Variants in LSAMP observed in about 807,000 individuals in gnomAD.
LSAMP encodes limbic system associated membrane protein.
LSAMP carries 7 observed loss-of-function variants against 38.6 expected under a neutral mutation model. The ratio of observed to expected loss-of-function variants is 0.18; its 90% CI spans 0.10 to 0.34. LSAMP has a LOEUF of 0.34. Among genes scored for constraint, LSAMP ranks in the 10% least tolerant of loss-of-function variants. The probability of loss-of-function intolerance (pLI) is 1.00; values close to 1 mark genes in which losing one functional copy is unlikely to be tolerated. For missense variants in LSAMP, 313 were observed against 420.0 expected (o/e 0.75, Z 2.23); for synonymous variants, 154 against 166.8 (o/e 0.92, Z 0.59).
At chr3:116,018,294 T>C (rs1227010087) in intron 3 of LSAMP, among the ~76,000 whole-genome samples, 2 of 152,122 alleles carry the variant, frequency 1.3e-5, no homozygotes, top group Admixed American at 6.6e-5. Context: ...GAAATTAATT[T>C]AGGATCTAAC....
intron 2 of LSAMP, among the ~76,000 whole-genome samples, chr3:116,028,934 T>C (rs1940855574): frequency 6.6e-6 from 1 of 152,172 alleles, no homozygotes; most frequent in South Asian, 2.1e-4. Context: ...ATTTAATAGA[T>C]GTCTAGACAC....
chr3:115,977,812 A>T (rs1273525209), intron 3 of LSAMP, among the ~76,000 whole-genome samples: 1 of 152,088 alleles, frequency 6.6e-6, no homozygotes, highest in African/African-American at 2.4e-5. Context: ...TAGTCGACTA[A>T]AGCAAGTTCC....
intron 1 of LSAMP, among the ~76,000 whole-genome samples, chr3:116,406,867 A>C (rs916809059): frequency 2.6e-5 from 4 of 152,000 alleles, no homozygotes; most frequent in African/African-American, 9.7e-5. Flanking sequence ...TATAAAGAAA[A>C]GGAAGAGGAG....
At position 116,219,034 on chromosome 3, in the gene LSAMP, T is replaced by G. The variant is rs182856796; in HGVS notation, c.156-132478A>C. Among the ~76,000 whole-genome samples the G allele has an allele frequency of 3.3e-5, 5 of 152,348 alleles. No homozygotes were observed. In the East Asian group the frequency reaches 7.7e-4, roughly 24 times the overall value. On this transcript the variant is annotated intron_variant, in intron 1 of 6. Transcript: ENST00000490035. The stretch of plus-strand genomic sequence containing the variant: ...ATTGCTTACTATAAGTACCATATCA[T>G]ATAGTACAATACAGATCTCTAAAGC...
intron 1 of LSAMP, among the ~76,000 whole-genome samples, chr3:116,333,940 A>T (rs1374755494): frequency 6.6e-6 from 1 of 151,942 alleles, no homozygotes; most frequent in Non-Finnish European, 1.5e-5. Flanking sequence ...AATATAAAAA[A>T]TAATAAAGCA....
At chr3:115,953,283 T>G (rs1453936653) in intron 3 of LSAMP, among the ~76,000 whole-genome samples, 1 of 152,182 alleles carries the variant, frequency 6.6e-6, no homozygotes, top group African/African-American at 2.4e-5. Flanking sequence ...ATTCTCATTT[T>G]GAGCCATTTT....
chr3:116,228,638 T>A (rs1190114163), intron 1 of LSAMP, among the ~76,000 whole-genome samples: 1 of 152,124 alleles, frequency 6.6e-6, no homozygotes, highest in Non-Finnish European at 1.5e-5. Context: ...ATTGCTGTGT[T>A]GTTATTGTGG....
At chr3:116,134,593 T>A (rs1379350288) in intron 1 of LSAMP, among the ~76,000 whole-genome samples, 1 of 152,208 alleles carries the variant, frequency 6.6e-6, no homozygotes, top group Non-Finnish European at 1.5e-5. Context: ...ACTTTGCTCT[T>A]GCAGTTCCCT....
rs560027764 is a variant in LSAMP at position 116,264,494 on chromosome 3, C to T, written c.156-177938G>A. 5.5e-4 allele frequency among the ~76,000 whole-genome samples: 83 copies of T among 152,218 alleles called. No individual in the cohort carries two copies. The South Asian group carries it at 0.015, about 27-fold the overall frequency. On this transcript the variant is annotated intron_variant, in intron 1 of 6. Coordinates refer to ENST00000490035, the MANE Select transcript of LSAMP (RefSeq NM_002338.5). ...CCAGACTCTCTGAGAGGCTCATGGG[C>T]GCTTAAGGGGCATTGTGTAGTGTTT... is the stretch of plus-strand genomic sequence containing the variant.
chr3:116,282,969 C>T (rs2047146238), intron 1 of LSAMP, among the ~76,000 whole-genome samples: 1 of 152,066 alleles, frequency 6.6e-6, no homozygotes, highest in Non-Finnish European at 1.5e-5. Context: ...TGCTCTTGCC[C>T]ACCCATGACC....
intron 1 of LSAMP, among the ~76,000 whole-genome samples, chr3:116,367,697 C>T (rs962175268): frequency 1.3e-5 from 2 of 151,552 alleles, no homozygotes; most frequent in African/African-American, 2.4e-5. Flanking sequence ...TTAGTAGGCC[C>T]GGGGTTTCAC....
At chr3:116,348,141 A>C (rs1304206738) in intron 1 of LSAMP, among the ~76,000 whole-genome samples, 1 of 152,088 alleles carries the variant, frequency 6.6e-6, no homozygotes, top group African/African-American at 2.4e-5. Flanking sequence ...CTAAGGATAG[A>C]AATTATTCAC....
At chr3:115,858,372 A>G (rs1341184142) in intron 3 of LSAMP, among the ~76,000 whole-genome samples, 1 of 152,220 alleles carries the variant, frequency 6.6e-6, no homozygotes, top group Non-Finnish European at 1.5e-5. Flanking sequence ...AATAATCATT[A>G]TAGTACCTGT....
rs2107435127 is a variant in LSAMP at position 115,804,578 on chromosome 3, C to T, written c.*5739G>A. ...GCACATGAGCCCTTAAAACTCCTTC[C>T]TGTTTTTTTTCTTTTTTTTTCTCTT... On this transcript the variant is annotated 3_prime_UTR_variant, in exon 7 of 7. Coordinates refer to ENST00000490035, the MANE Select transcript of LSAMP (RefSeq NM_002338.5). 6.6e-6 allele frequency: 1 copy of T among 152,222 alleles called. No individual in the cohort carries two copies. The highest frequency in any genetic ancestry group is 3.4e-3 in the Middle Eastern group (1 of 294). The allele number at this position is 152,222 out of a possible 1,614,324, so 9.4% of individuals were successfully genotyped here.
chr3:116,197,587 C>T lies in LSAMP; in HGVS notation c.156-111031G>A, dbSNP rs565617933. Among the ~76,000 whole-genome samples the T allele has an allele frequency of 2.6e-5, 4 of 152,266 alleles. No homozygotes were observed. The East Asian group carries it at 7.7e-4, about 29-fold the overall frequency. The stretch of plus-strand genomic sequence containing the variant: ...TTCTAGGCAGGGCAGCAGATTTCTT[C>T]TCAGTCATTTTGAATTGCTCTATTT... On this transcript the variant is annotated intron_variant, in intron 1 of 6. Transcript: ENST00000490035.
chr3:116,142,071 G>A (rs1236349155), intron 1 of LSAMP, among the ~76,000 whole-genome samples: 6 of 151,948 alleles, frequency 3.9e-5, no homozygotes, highest in Admixed American at 1.3e-4. Flanking sequence ...ATAGTATAGC[G>A]GTAGGTGAAT....
chr3:115,836,167 T>A (rs946738246), intron 6 of LSAMP, among the ~76,000 whole-genome samples: 2 of 152,184 alleles, frequency 1.3e-5, no homozygotes, highest in African/African-American at 4.8e-5. Context: ...CTCCTTTCAG[T>A]GCCTTTCAAC....
intron 1 of LSAMP, among the ~76,000 whole-genome samples, chr3:116,238,852 C>T (rs1479620052): frequency 6.7e-6 from 1 of 150,008 alleles, no homozygotes; most frequent in East Asian, 2.0e-4. Context: ...ACATGGTTAT[C>T]TTTTTTTTTT....
chr3:116,133,804 C>T (rs140253167), intron 1 of LSAMP, among the ~76,000 whole-genome samples: 1,828 of 152,108 alleles, frequency 0.012, 35 homozygotes, highest in African/African-American at 0.04. Flanking sequence ...TTAAATAAAT[C>T]CAGAGTATAG....
Sources: gnomAD v4.1 joint callset for allele counts (sites outside exome capture counted in the v4.1 genomes callset) on GRCh38, gnomAD v4.1.1 for gene constraint, MANE v1.5 for transcripts, NCBI Gene and HGNC (gene_info 2026-07-23, HGNC 2026-07-21) for gene names.